CLIC5: variants seen among roughly 807,000 people sequenced by gnomAD.
CLIC5 encodes chloride intracellular channel protein 5.
Under a neutral mutation model 24.7 loss-of-function variants are expected in CLIC5, and 20 were observed. That is an observed-to-expected ratio of 0.81 (90% CI 0.57 to 1.18). CLIC5 has a LOEUF of 1.18. Ranked by LOEUF, CLIC5 falls within the 50% of genes most tolerant of loss-of-function variation. CLIC5 has a pLI of 0.00. For synonymous variants in CLIC5, 159 were observed against 135.6 expected, an observed-to-expected ratio of 1.17 and a Z score of -1.20; for missense variants, 341 against 326.1, an observed-to-expected ratio of 1.05 and a Z score of -0.35.
chr6:45,941,799 AG>A (rs2127368311), intron 3 of CLIC5, 146 bp from the exon 4 acceptor site: 1 of 692,326 alleles, frequency 1.4e-6, no homozygotes. Context: ...TACTATAGGG[AG>A]GGTGGGCATT....
At position 45,958,443 on chromosome 6, in the gene CLIC5, T is replaced by TATACACACACACACACACACACAC. The variant is rs1554151289; in HGVS notation, c.64-3200_64-3199insGTGTGTGTGTGTGTGTGTGTGTAT. 1.4e-4 allele frequency among the ~76,000 whole-genome samples: 8 copies of TATACACACACACACACACACACAC among 55,636 alleles called. 1 individual carries two copies. The highest frequency in any genetic ancestry group is 6.1e-4 in the South Asian group (1 of 1,644). 36.5% of individuals were successfully genotyped at this position (55,636 alleles called of 152,430 possible). ...ACAATTATATATATATATATATATA[T>TATACACACACACACACACACACAC]ATATATATATATATATATATATATA... On this transcript the variant is annotated intron_variant, in intron 1 of 5. Transcript: ENST00000339561.
At chr6:45,912,035 A>G in intron 5 of CLIC5, 1 of 985,708 alleles carries the variant, frequency 1.0e-6, no homozygotes, top group Non-Finnish European at 1.2e-6. Flanking sequence ...GAAAGCAGCA[A>G]GGGGGTAAGG....
At chr6:46,120,710 G>A in the CLIC5 span, among the ~76,000 whole-genome samples, 1 of 152,130 alleles carries the variant, frequency 6.6e-6, no homozygotes, top group Non-Finnish European at 1.5e-5. Context: ...TGGCTAACTA[G>A]AATAACCAAT....
intron 4 of CLIC5, among the ~76,000 whole-genome samples, chr6:45,922,062 A>G (rs1763284519): frequency 6.6e-6 from 1 of 152,206 alleles, no homozygotes; most frequent in Non-Finnish European, 1.5e-5. Flanking sequence ...GGCAACTTCA[A>G]CAGATTCCCC....
chr6:45,890,592 G>A (rs1321931412), intron 6 of CLIC5, among the ~76,000 whole-genome samples: 1 of 152,174 alleles, frequency 6.6e-6, no homozygotes, highest in African/African-American at 2.4e-5. Context: ...TAATCAGTGT[G>A]CTGAAGAGAT....
chr6:46,058,625 G>C (rs1444032322), intron 1 of CLIC5, among the ~76,000 whole-genome samples: 2 of 152,200 alleles, frequency 1.3e-5, no homozygotes, highest in Non-Finnish European at 2.9e-5. Context: ...GCTGAATCTG[G>C]GTGGCTGGGG....
At chr6:46,125,873 A>C in the CLIC5 span, among the ~76,000 whole-genome samples, 2 of 152,182 alleles carry the variant, frequency 1.3e-5, no homozygotes, top group African/African-American at 4.8e-5. Context: ...ATTGTTGCTG[A>C]AACAGGGACT....
At chr6:45,910,151 G>A (rs372290035) in intron 5 of CLIC5, among the ~76,000 whole-genome samples, 1 of 151,390 alleles carries the variant, frequency 6.6e-6, no homozygotes, top group Non-Finnish European at 1.5e-5. Context: ...TTTCTAACTT[G>A]TGGGCAGTGT....
At chr6:46,033,942 T>C (rs1436256220) in intron 1 of CLIC5, among the ~76,000 whole-genome samples, 2 of 152,160 alleles carry the variant, frequency 1.3e-5, no homozygotes, top group Non-Finnish European at 2.9e-5. Context: ...GAGGTTATTA[T>C]TTTTTAAAGG....
intron 6 of CLIC5, among the ~76,000 whole-genome samples, chr6:45,886,801 G>A (rs1455960055): frequency 3.9e-5 from 6 of 152,196 alleles, no homozygotes; most frequent in Non-Finnish European, 8.8e-5. Flanking sequence ...AAAGGAAAAC[G>A]TTTTCCAAAT....
intron 1 of CLIC5, among the ~76,000 whole-genome samples, chr6:45,993,836 G>A (rs984824619): frequency 6.6e-6 from 1 of 152,176 alleles, no homozygotes. Flanking sequence ...CCAAATACAC[G>A]AATTCTTTCT....
intron 1 of CLIC5, among the ~76,000 whole-genome samples, chr6:46,069,688 T>C (rs1762538236): frequency 6.6e-6 from 1 of 151,990 alleles, no homozygotes; most frequent in African/African-American, 2.4e-5. Flanking sequence ...TTCCAAAAAA[T>C]GGAAGAGGAA....
At chr6:46,052,262 T>C (rs1025084846) in intron 1 of CLIC5, among the ~76,000 whole-genome samples, 1 of 152,182 alleles carries the variant, frequency 6.6e-6, no homozygotes, top group African/African-American at 2.4e-5. Context: ...AAGGGTCCTG[T>C]TTACACACTT....
upstream of CLIC5, among the ~76,000 whole-genome samples, chr6:46,082,662 T>C (rs1319477267): frequency 6.6e-6 from 1 of 152,146 alleles, no homozygotes; most frequent in African/African-American, 2.4e-5. Flanking sequence ...ATTTGCATAG[T>C]CAATTCCCCC....
chr6:46,048,005 CTTT>C (rs34581798), intron 1 of CLIC5, among the ~76,000 whole-genome samples: 2 of 139,178 alleles, frequency 1.4e-5, no homozygotes, highest in Admixed American at 7.2e-5. Context: ...TCCATATCTA[CTTT>C]TTTTTTTTTT....
Position 45,958,447 on chromosome 6 carries a change from T to TACACACACACACACACACACACAC in CLIC5, c.64-3204_64-3203insGTGTGTGTGTGTGTGTGTGTGTGT, listed in dbSNP as rs1446493409. On this transcript the variant is annotated intron_variant, in intron 1 of 5. Coordinates refer to ENST00000339561, the MANE Select transcript of CLIC5 (RefSeq NM_016929.5). ...TTATATATATATATATATATATATA[T>TACACACACACACACACACACACAC]ATATATATATATATATATATATATA... Among the ~76,000 whole-genome samples the TACACACACACACACACACACACAC allele has an allele frequency of 1.7e-3, 122 of 72,228 alleles. 4 individuals carry two copies. The highest frequency in any genetic ancestry group is 7.0e-3 in the Middle Eastern group (1 of 142). 47.4% of individuals were successfully genotyped at this position (72,228 alleles called of 152,430 possible).
rs868399974 is a variant in CLIC5 at position 46,035,747 on chromosome 6, A to C, written c.540+43956T>G. Among the ~76,000 whole-genome samples, 93 of 147,062 alleles carry C rather than the reference A, an allele frequency of 6.3e-4. 1 individual carries two copies. Among genetic ancestry groups the C allele is most frequent in the Middle Eastern group, 3.5e-3 (1 of 286 alleles). The stretch of plus-strand genomic sequence containing the variant: ...AGCTGGTGGTTTTCTTTTTTCTTTT[A>C]TTTTCTTTTTTTTTTTAAGATGGAT... On this transcript the variant is annotated intron_variant, in intron 1 of 5. Transcript: ENST00000185206.
downstream of CLIC5, among the ~76,000 whole-genome samples, chr6:45,897,896 T>C (rs1467876734): frequency 6.6e-6 from 1 of 151,850 alleles, no homozygotes; most frequent in Non-Finnish European, 1.5e-5. Context: ...AGATGGGAAA[T>C]ATGAGACACT....
At chr6:45,934,072 C>G in intron 4 of CLIC5, among the ~76,000 whole-genome samples, 1 of 152,110 alleles carries the variant, frequency 6.6e-6, no homozygotes, top group East Asian at 1.9e-4. Context: ...TTCTGGGAGG[C>G]TGGTTTGTTT....
Sources: allele counts gnomAD v4.1 joint callset (sites outside exome capture counted in the v4.1 genomes callset), GRCh38; gene constraint gnomAD v4.1.1; transcripts MANE v1.5; gene names NCBI Gene and HGNC (gene_info 2026-07-23, HGNC 2026-07-21).